FGF14: variants seen among roughly 807,000 people sequenced by gnomAD.
FGF14 encodes the protein fibroblast growth factor 14, also known as fibroblast growth factor homologous factor 4.
A neutral mutation model predicts 25.5 loss-of-function variants in FGF14; 5 were observed. The observed-to-expected ratio is 0.20, with a 90% CI of 0.10 to 0.41. The LOEUF (loss-of-function observed/expected upper bound fraction) is 0.41, where lower values mean the gene tolerates loss of function less well. FGF14 is among the 10% of genes least tolerant of loss of function. The pLI is 1.00. For synonymous variants in FGF14, 138 were observed against 118.3 expected (o/e 1.17, Z -1.08); for missense variants, 222 against 320.1 (o/e 0.69, Z 2.34).
intron 1 of FGF14, among the ~76,000 whole-genome samples, chr13:102,275,234 TTCTCTC>T (rs938286146): frequency 3.0e-5 from 2 of 67,448 alleles, no homozygotes; most frequent in Non-Finnish European, 6.1e-5. Context: ...TTAGGCAGAT[TTCTCTC>T]TCTCTCTCTC....
chr13:102,382,572 A>G lies in FGF14; in HGVS notation c.208+18899T>C, dbSNP rs76457496. ...TTTGATAAACATTTGGTAGTCACTC[A>G]AAATGTTAAACATAGATTATCATCT... On this transcript the variant is annotated intron_variant, in intron 1 of 4. Transcript: ENST00000376131. 7.1e-3 allele frequency among the ~76,000 whole-genome samples: 1,088 copies of G among 152,284 alleles called. 21 individuals are homozygous for G. The highest frequency in any genetic ancestry group is 0.048 in the East Asian group (248 of 5,186).
intron 1 of FGF14, among the ~76,000 whole-genome samples, chr13:102,304,183 G>C (rs1256412836): frequency 6.6e-6 from 1 of 151,954 alleles, no homozygotes; most frequent in Non-Finnish European, 1.5e-5. Context: ...TATACACCTT[G>C]CTTTCTTCTC....
upstream of FGF14, among the ~76,000 whole-genome samples, chr13:101,920,473 T>G (rs564908755): frequency 6.6e-6 from 1 of 152,272 alleles, no homozygotes; most frequent in African/African-American, 2.4e-5. Flanking sequence ...AAACAGAGCC[T>G]CCTTTTCAAC....
At chr13:102,323,082 C>T (rs989131257) in intron 1 of FGF14, among the ~76,000 whole-genome samples, 27 of 152,150 alleles carry the variant, frequency 1.8e-4, no homozygotes, top group African/African-American at 6.5e-4. Context: ...TTAGTATTGA[C>T]TCCAAAGGCT....
chr13:101,722,730 AC>A lies in FGF14; in HGVS notation c.*100del. The A allele has an allele frequency of 1.3e-6, 2 of 1,505,620 alleles. No homozygotes were observed. The highest frequency in any genetic ancestry group is 2.3e-5 in the South Asian group (2 of 87,188). 93.3% of individuals were successfully genotyped at this position (1,505,620 alleles called of 1,614,324 possible). On this transcript the variant is annotated 3_prime_UTR_variant, in exon 5 of 5. Coordinates refer to ENST00000376143, the MANE Select transcript of FGF14 (RefSeq NM_004115.4). ...GACAGCAAAGAATAAGCATTAGCTTACTTCCTGCTGCTCTTCAGCCACGGAG... is the reference window on the plus strand; with the variant it reads ...GACAGCAAAGAATAAGCATTAGCTTATTCCTGCTGCTCTTCAGCCACGGAG...
intron 1 of FGF14, among the ~76,000 whole-genome samples, chr13:101,907,101 C>T (rs924400474): frequency 3.9e-5 from 6 of 152,080 alleles, no homozygotes; most frequent in Non-Finnish European, 7.4e-5. Context: ...AATCACAAAT[C>T]TATTATATTT....
intron 3 of FGF14, among the ~76,000 whole-genome samples, chr13:101,727,587 A>G (rs1463544147): frequency 6.6e-6 from 1 of 152,178 alleles, no homozygotes; most frequent in Non-Finnish European, 1.5e-5. Context: ...AAAGCTTACT[A>G]CTTTACAATT....
chr13:102,050,988 C>A (rs2042193085), intron 1 of FGF14, among the ~76,000 whole-genome samples: 1 of 152,180 alleles, frequency 6.6e-6, no homozygotes, highest in Non-Finnish European at 1.5e-5. Context: ...GGCTGCACAG[C>A]TGTATTAAGT....
chr13:101,726,754 T>G lies in FGF14; in HGVS notation c.465A>C (p.Val155=). Residue 155 remains valine (V), a synonymous_variant, in exon 4 of 5, where the codon GTA becomes GTC. Coordinates refer to ENST00000376143, the MANE Select transcript of FGF14 (RefSeq NM_004115.4). ...GTCTGTACAACATGGATGAGTAGATTACATAATAATTTTCAAAAACAGATT... is the reference window on the plus strand; with the variant it reads ...GTCTGTACAACATGGATGAGTAGATGACATAATAATTTTCAAAAACAGATT... The part of the protein sequence containing the change: ...FKESVFENYY[V]IYSSMLYRQQ... 2 of 1,612,944 alleles carry G rather than the reference T, an allele frequency of 1.2e-6. No homozygotes were observed. Among genetic ancestry groups the G allele is most frequent in the African/African-American group, 2.7e-5 (2 of 74,988 alleles).
chr13:102,396,815 A>G (rs1324705435), intron 1 of FGF14, among the ~76,000 whole-genome samples: 1 of 152,200 alleles, frequency 6.6e-6, no homozygotes, highest in East Asian at 1.9e-4. Context: ...TACTCTCCCA[A>G]CAAGGCAGTA....
chr13:102,221,623 A>AACACACAC (rs34205303), intron 1 of FGF14, among the ~76,000 whole-genome samples: 2 of 149,998 alleles, frequency 1.3e-5, no homozygotes, highest in African/African-American at 2.5e-5. Context: ...CAAACACACA[A>AACACACAC]ACACACACAC....
At chr13:102,164,340 T>C (rs2047907305) in intron 1 of FGF14, among the ~76,000 whole-genome samples, 1 of 152,186 alleles carries the variant, frequency 6.6e-6, no homozygotes, top group African/African-American at 2.4e-5. Context: ...ACATATTTAT[T>C]AGGCCTCTAC....
At chr13:101,787,317 A>T (rs2039896128) in intron 3 of FGF14, among the ~76,000 whole-genome samples, 1 of 152,224 alleles carries the variant, frequency 6.6e-6, no homozygotes, top group Admixed American at 6.5e-5. Context: ...CATATTGAAT[A>T]GCTGTCACTG....
chr13:102,313,894 A>T (rs573389637), intron 1 of FGF14, among the ~76,000 whole-genome samples: 17 of 152,280 alleles, frequency 1.1e-4, no homozygotes, highest in African/African-American at 4.1e-4. Flanking sequence ...AGAGAAATTA[A>T]AATACCAATT....
At chr13:101,883,792 G>T (rs188544709) in intron 1 of FGF14, among the ~76,000 whole-genome samples, 238 of 152,096 alleles carry the variant, frequency 1.6e-3, no homozygotes, top group African/African-American at 5.5e-3. Flanking sequence ...GCCAGGTATG[G>T]TGGCTCACAC....
At position 102,065,204 on chromosome 13, in the gene FGF14, A is replaced by G. The variant is rs565424679; in HGVS notation, c.209-189908T>C. Among the ~76,000 whole-genome samples, 366 of 152,238 alleles carry G rather than the reference A, an allele frequency of 2.4e-3. 1 individual carries two copies. The highest frequency in any genetic ancestry group is 4.8e-3 in the South Asian group (23 of 4,824). ...GAAAGGAAGCTGTACTTCTAGAAGT[A>G]ACCATAATGGATATAGTGCTTTCTT... On this transcript the variant is annotated intron_variant, in intron 1 of 4. Transcript: ENST00000376131.
At chr13:101,854,139 AG>A (rs2044002620) in intron 3 of FGF14, among the ~76,000 whole-genome samples, 1 of 152,124 alleles carries the variant, frequency 6.6e-6, no homozygotes, top group Non-Finnish European at 1.5e-5. Flanking sequence ...GATATCTTAC[AG>A]GTACTCAAAC....
chr13:102,353,880 C>A (rs1021337624), intron 1 of FGF14, among the ~76,000 whole-genome samples: 38 of 152,172 alleles, frequency 2.5e-4, no homozygotes, highest in Admixed American at 1.2e-3. Context: ...TATGGGAAGC[C>A]TACTTTGACT....
At chr13:101,913,761 G>A (rs909815551) in intron 1 of FGF14, among the ~76,000 whole-genome samples, 2 of 152,042 alleles carry the variant, frequency 1.3e-5, no homozygotes, top group African/African-American at 4.8e-5. Context: ...GTGGATCCCA[G>A]TGTTGCCCAC....
Sources: gnomAD v4.1 joint callset for allele counts (sites outside exome capture counted in the v4.1 genomes callset) on GRCh38, gnomAD v4.1.1 for gene constraint, MANE v1.5 for transcripts, NCBI Gene and HGNC (gene_info 2026-07-23, HGNC 2026-07-21) for gene names.